Variants in HAUS6 observed in about 807,000 individuals in gnomAD.
The protein encoded by HAUS6 is HAUS augmin-like complex subunit 6.
Under a neutral mutation model 106.8 loss-of-function variants are expected in HAUS6, and 80 were observed. That is an observed-to-expected ratio of 0.75 (90% confidence interval 0.63 to 0.90). HAUS6 has a LOEUF of 0.90. Ranked by LOEUF, HAUS6 falls within the 40% of genes least tolerant of loss-of-function variation. The probability of loss-of-function intolerance (pLI) is 0.00; values close to 1 mark genes in which losing one functional copy is unlikely to be tolerated. For missense variants in HAUS6, 1,155 were observed against 1,118.1 expected (o/e 1.03, Z -0.47); for synonymous variants, 356 against 379.1 (o/e 0.94, Z 0.71).
chr9:19,100,255 G>A (rs541801835), intron 1 of HAUS6, among the ~76,000 whole-genome samples: 7 of 152,128 alleles, frequency 4.6e-5, no homozygotes, highest in African/African-American at 1.4e-4. Context: ...CCAGCTATTC[G>A]GGAGGCTGAA....
chr9:19,097,545 A>G (rs1464976067), intron 1 of HAUS6, among the ~76,000 whole-genome samples: 1 of 152,136 alleles, frequency 6.6e-6, no homozygotes, highest in Non-Finnish European at 1.5e-5. Context: ...CAAAACCACA[A>G]TGAGATACCA....
At chr9:19,091,708 C>T (rs889169206) in intron 4 of HAUS6, among the ~76,000 whole-genome samples, 3 of 152,126 alleles carry the variant, frequency 2.0e-5, no homozygotes, top group African/African-American at 7.2e-5. Flanking sequence ...ATCACCCAGG[C>T]TGGAATGCAG....
intron 12 of HAUS6, among the ~76,000 whole-genome samples, chr9:19,065,827 A>G (rs62563593): frequency 0.45 from 68,593 of 151,942 alleles, 16,739 homozygotes; most frequent in African/African-American, 0.66. Flanking sequence ...GGCAACAGGA[A>G]CGAAACTCCG....
chr9:19,086,689 C>G (rs368615136), intron 7 of HAUS6, 45 bp downstream of exon 7: 34 of 850,392 alleles, frequency 4.0e-5, no homozygotes, highest in Non-Finnish European at 6.7e-5. Flanking sequence ...CTGCGTATCA[C>G]AGAATTTTAA....
intron 9 of HAUS6, among the ~76,000 whole-genome samples, chr9:19,078,917 G>T (rs1837073177): frequency 6.7e-6 from 1 of 149,048 alleles, no homozygotes; most frequent in Admixed American, 6.7e-5. Flanking sequence ...AACTTTGGGA[G>T]GCTGAGGCAG....
At chr9:19,073,970 AG>A (rs1564012302) in intron 11 of HAUS6, 1 of 152,180 alleles carries the variant, frequency 6.6e-6, no homozygotes, top group Non-Finnish European at 1.5e-5. Context: ...AAAAAGGGCC[AG>A]GTACGGTGGC....
At chr9:19,079,466 G>A (rs1837089366) in intron 9 of HAUS6, among the ~76,000 whole-genome samples, 1 of 151,584 alleles carries the variant, frequency 6.6e-6, no homozygotes, top group Non-Finnish European at 1.5e-5. Flanking sequence ...TCTGACCTGA[G>A]GTGATCCACC....
chr9:19,058,004 T>A lies in HAUS6; in HGVS notation c.2763A>T (p.Arg921Ser). The A allele has an allele frequency of 1.9e-6, 3 of 1,611,906 alleles. No homozygotes were observed. The highest frequency in any genetic ancestry group is 2.5e-6 in the Non-Finnish European group (3 of 1,178,004). The stretch of plus-strand genomic sequence containing the variant: ...CTCCAAGACTACATGCTATTGTGGT[T>A]CTCAATCTTTGTTCCACTGGAGAAA... ...IKFSPVEQRL[R>S]TTIACSLGEL... The change falls in exon 16 of 17, where the codon AGA becomes AGT. Residue 921 changes from arginine to serine, a missense_variant. By Grantham distance (110) the Arg-to-Ser change is moderately radical (BLOSUM62 -1). Coordinates refer to ENST00000380502, the MANE Select transcript of HAUS6 (RefSeq NM_017645.5).
At chr9:19,089,384 A>G (rs1425746474) in intron 5 of HAUS6, 28 bp downstream of exon 5, 3 of 1,470,058 alleles carry the variant, frequency 2.0e-6, no homozygotes, top group Middle Eastern at 1.8e-4. Flanking sequence ...GAAAGAAATT[A>G]TTTTCTAACT....
At chr9:19,086,979 G>A in intron 6 of HAUS6, 112 bp downstream of exon 6, 2 of 663,430 alleles carry the variant, frequency 3.0e-6, no homozygotes, top group Non-Finnish European at 5.4e-6. Flanking sequence ...ATCATCATCT[G>A]GCTATTGATA....
chr9:19,060,737 CT>C (rs1441339852), intron 14 of HAUS6, among the ~76,000 whole-genome samples: 5 of 152,264 alleles, frequency 3.3e-5, no homozygotes, highest in African/African-American at 1.2e-4. Flanking sequence ...CATTCTAAAA[CT>C]AAAAAAGTAT....
chr9:19,063,051 T>C lies in HAUS6; in HGVS notation c.1586A>G (p.Lys529Arg). 2 of 1,611,772 alleles carry C rather than the reference T, an allele frequency of 1.2e-6. No homozygotes were observed. Among genetic ancestry groups the C allele is most frequent in the Non-Finnish European group, 1.7e-6 (2 of 1,179,580 alleles). ...SAFGGSLPAKKSDPFQKEQDH... is the reference protein window; with the variant it reads ...SAFGGSLPAKRSDPFQKEQDH... ...TTGCTCTTTTTGAAATGGATCACTT[T>C]TTTTAGCTGGCAAAGACCCTCCAAA... Residue 529 changes from lysine to arginine, a missense_variant, in exon 14 of 17, where the codon AAA (lysine) becomes AGA (arginine). Coordinates refer to ENST00000380502, the MANE Select transcript of HAUS6 (RefSeq NM_017645.5).
At chr9:19,068,737 G>C (rs1344656991) in intron 12 of HAUS6, among the ~76,000 whole-genome samples, 1 of 151,116 alleles carries the variant, frequency 6.6e-6, no homozygotes, top group Admixed American at 6.6e-5. Flanking sequence ...ACTAATAAAG[G>C]AAAGTTTCGT....
At chr9:19,074,837 C>T (rs538797919) in intron 11 of HAUS6, among the ~76,000 whole-genome samples, 79 of 152,174 alleles carry the variant, frequency 5.2e-4, no homozygotes, top group African/African-American at 1.9e-3. Context: ...ATTTACAGAA[C>T]CTAATTGTCT....
intron 11 of HAUS6, among the ~76,000 whole-genome samples, chr9:19,072,952 A>T (rs1329843281): frequency 1.3e-5 from 2 of 152,212 alleles, no homozygotes; most frequent in Admixed American, 1.3e-4. Flanking sequence ...TTTGAAAAAT[A>T]CAAACATTAA....
intron 1 of HAUS6, among the ~76,000 whole-genome samples, chr9:19,100,489 G>A (rs1817965216): frequency 6.6e-6 from 1 of 152,222 alleles, no homozygotes; most frequent in Non-Finnish European, 1.5e-5. Flanking sequence ...TTGGTGGAAT[G>A]TAAAGTAGTA....
In HAUS6 at chr9:19,089,531, A is replaced by C; in HGVS notation, c.465T>G (p.Phe155Leu). Residue 155 changes from phenylalanine (F) to leucine (L), a missense_variant, in exon 5 of 17, where the codon TTT becomes TTG. Physicochemically the swap from Phe to Leu is conservative, Grantham distance 22. This residue lies in a region of HAUS6 where 761 missense variants were observed against 690.0 expected (regional missense o/e 1.10). Transcript: ENST00000380502. ...TGTGCAAGTCCTGTGGTTTTATGTTAAATGTCTCTACAAAATGATGAGAAG... is the reference window on the plus strand; with the variant it reads ...TGTGCAAGTCCTGTGGTTTTATGTTCAATGTCTCTACAAAATGATGAGAAG... ...KNSSHHFVET[F>L]NIKPQDLHKC... 1 of 1,610,780 alleles carries C rather than the reference A, an allele frequency of 6.2e-7. No individual in the cohort carries two copies. The highest frequency in any genetic ancestry group is 8.5e-7 in the Non-Finnish European group (1 of 1,177,306).
intron 11 of HAUS6, among the ~76,000 whole-genome samples, chr9:19,075,493 C>G (rs1836977199): frequency 6.6e-6 from 1 of 152,174 alleles, no homozygotes; most frequent in African/African-American, 2.4e-5. Context: ...CCTATAATCC[C>G]AGCACTTTGG....
chr9:19,086,362 T>G (rs1837295909), intron 7 of HAUS6, among the ~76,000 whole-genome samples: 1 of 151,644 alleles, frequency 6.6e-6, no homozygotes, highest in African/African-American at 2.4e-5. Flanking sequence ...GGCTCATGCC[T>G]GTAATCCCAG....
Sources: allele counts gnomAD v4.1 joint callset (sites outside exome capture counted in the v4.1 genomes callset), GRCh38; gene constraint gnomAD v4.1.1; regional missense constraint gnomAD v4.1.1; transcripts MANE v1.5; gene names NCBI Gene and HGNC (gene_info 2026-07-23, HGNC 2026-07-21).